The following GRM8 variants were observed in gnomAD, a reference collection of about 807,000 sequenced individuals.
GRM8 encodes the protein metabotropic glutamate receptor 8.
In GRM8, 47 loss-of-function variants were observed where a neutral mutation model predicts 87.2. The observed-to-expected ratio is 0.54, with a 90% CI of 0.43 to 0.69. GRM8 has a LOEUF of 0.69. Among genes scored for constraint, GRM8 ranks in the 30% least tolerant of loss-of-function variants. The probability of loss-of-function intolerance (pLI) is 0.00; values close to 1 mark genes in which losing one functional copy is unlikely to be tolerated. For synonymous variants in GRM8, 396 were observed against 404.5 expected (o/e 0.98, Z 0.25); for missense variants, 1,019 against 1,139.2 (o/e 0.89, Z 1.52).
At chr7:127,106,948 G>A (rs1240979489) in intron 2 of GRM8, among the ~76,000 whole-genome samples, 1 of 152,140 alleles carries the variant, frequency 6.6e-6, no homozygotes, top group African/African-American at 2.4e-5. Context: ...TTTTGCTTTA[G>A]TTTCCATTGT....
intron 3 of GRM8, among the ~76,000 whole-genome samples, chr7:126,950,731 A>G (rs1046658559): frequency 2.0e-5 from 3 of 152,098 alleles, no homozygotes; most frequent in Non-Finnish European, 4.4e-5. Context: ...AGGTATTCTT[A>G]TCATTCCTAT....
intron 2 of GRM8, among the ~76,000 whole-genome samples, chr7:127,221,501 T>G (rs1280087753): frequency 1.3e-5 from 2 of 152,092 alleles, no homozygotes; most frequent in African/African-American, 4.8e-5. Flanking sequence ...TCAAGACTGG[T>G]TGATGCAAAG....
intron 6 of GRM8, among the ~76,000 whole-genome samples, chr7:126,777,209 A>G (rs1483035918): frequency 6.6e-6 from 1 of 152,182 alleles, no homozygotes; most frequent in Non-Finnish European, 1.5e-5. Flanking sequence ...AAATGAATCA[A>G]TTATGGAAAA....
intron 3 of GRM8, among the ~76,000 whole-genome samples, chr7:126,948,575 C>G (rs572256510): frequency 6.6e-6 from 1 of 151,920 alleles, no homozygotes; most frequent in Non-Finnish European, 1.5e-5. Flanking sequence ...GCTATCCTTG[C>G]TTTCAACAGA....
intron 7 of GRM8, among the ~76,000 whole-genome samples, chr7:126,695,145 A>T (rs1359543055): frequency 6.6e-6 from 1 of 152,184 alleles, no homozygotes; most frequent in African/African-American, 2.4e-5. Context: ...TTCGAGAAAA[A>T]CTATTTCTAG....
chr7:126,480,560 A>G (rs1409313342), intron 9 of GRM8, among the ~76,000 whole-genome samples: 1 of 152,078 alleles, frequency 6.6e-6, no homozygotes, highest in East Asian at 1.9e-4. Flanking sequence ...ACAAATAAAG[A>G]TATATATTGT....
chr7:126,894,681 A>G (rs1157384949), intron 6 of GRM8, among the ~76,000 whole-genome samples: 2 of 152,078 alleles, frequency 1.3e-5, no homozygotes, highest in African/African-American at 2.4e-5. Context: ...AAGAAAAAAA[A>G]CATACTGGCC....
chr7:127,103,555 T>C (rs577380597), intron 3 of GRM8, among the ~76,000 whole-genome samples: 28 of 152,296 alleles, frequency 1.8e-4, no homozygotes, highest in Admixed American at 3.9e-4. Flanking sequence ...AATTACTCAC[T>C]TTCAGGGATT....
chr7:127,013,727 G>C lies in GRM8; in HGVS notation c.727+92769C>G, dbSNP rs55795036. ...AATAATTTAATGAGTTCTTTTTCAG[G>C]AGCTGTTTTTGTTTTTGAGAGAATC... On this transcript the variant is annotated intron_variant, in intron 3 of 10. Transcript: ENST00000339582. 4.4e-3 allele frequency among the ~76,000 whole-genome samples: 668 copies of C among 152,124 alleles called. 1 individual carries two copies. The highest frequency in any genetic ancestry group is 0.013 in the South Asian group (63 of 4,814).
At chr7:127,135,144 C>T (rs2040502) in intron 2 of GRM8, among the ~76,000 whole-genome samples, 103,439 of 151,636 alleles carry the variant, frequency 0.68, 36,633 homozygotes, top group African/African-American at 0.83. Context: ...GTTTATGTTT[C>T]TATCATCCAT....
chr7:127,001,566 A>C (rs1274037344), intron 3 of GRM8, among the ~76,000 whole-genome samples: 1 of 151,708 alleles, frequency 6.6e-6, no homozygotes, highest in Non-Finnish European at 1.5e-5. Flanking sequence ...AGAATGGCTA[A>C]AAATTAAAAG....
intron 3 of GRM8, among the ~76,000 whole-genome samples, chr7:126,950,266 T>C (rs1487794714): frequency 6.6e-6 from 1 of 152,176 alleles, no homozygotes; most frequent in Non-Finnish European, 1.5e-5. Flanking sequence ...TAGAGCTTTC[T>C]GGTAAGAAGA....
intron 6 of GRM8, among the ~76,000 whole-genome samples, chr7:126,808,874 A>T (rs1793029364): frequency 6.6e-6 from 1 of 152,170 alleles, no homozygotes; most frequent in Non-Finnish European, 1.5e-5. Context: ...ACCACAGATA[A>T]AGCTCCTGAT....
intron 6 of GRM8, among the ~76,000 whole-genome samples, chr7:126,887,677 C>A (rs1382952973): frequency 1.3e-5 from 2 of 152,072 alleles, no homozygotes; most frequent in African/African-American, 2.4e-5. Context: ...ATTGAAAGAA[C>A]AAATTGTTTG....
chr7:126,982,486 T>C (rs777453517), intron 3 of GRM8, among the ~76,000 whole-genome samples: 2 of 152,170 alleles, frequency 1.3e-5, no homozygotes, highest in Non-Finnish European at 2.9e-5. Flanking sequence ...GAGGTCATAA[T>C]TACACCTAAT....
At chr7:127,081,887 C>G (rs1461390771) in intron 3 of GRM8, among the ~76,000 whole-genome samples, 2 of 152,180 alleles carry the variant, frequency 1.3e-5, no homozygotes, top group African/African-American at 4.8e-5. Flanking sequence ...GAGACAATTT[C>G]TGAAGGTATC....
At position 126,992,823 on chromosome 7, in the gene GRM8, GTGTGTA is replaced by G. The variant is rs1237875684; in HGVS notation, c.728-88146_728-88141del. The stretch of plus-strand genomic sequence containing the variant: ...TCTCTCTCCGTGTGTGTGTGTGTGT[GTGTGTA>G]TGTGTGTGTGTGTGTGTGTGTGTGT... On this transcript the variant is annotated intron_variant, in intron 3 of 10. Coordinates refer to ENST00000339582, the MANE Select transcript of GRM8 (RefSeq NM_000845.3). 2.0e-3 allele frequency among the ~76,000 whole-genome samples: 299 copies of G among 150,946 alleles called. 2 individuals are homozygous for G. The highest frequency in any genetic ancestry group is 7.1e-3 in the African/African-American group (288 of 40,746).
intron 7 of GRM8, among the ~76,000 whole-genome samples, chr7:126,714,293 T>TAATAAC (rs1035177597): frequency 4.1e-5 from 6 of 146,090 alleles, no homozygotes; most frequent in African/African-American, 1.5e-4. Context: ...ATAATAATAA[T>TAATAAC]AATAATAATA....
chr7:127,243,229 C>T lies in GRM8; in HGVS notation c.-25G>A. 3 of 1,582,346 alleles carry T rather than the reference C, an allele frequency of 1.9e-6. No individual in the cohort carries two copies. Among genetic ancestry groups the T allele is most frequent in the Non-Finnish European group, 2.6e-6 (3 of 1,170,084 alleles). On this transcript the variant is annotated 5_prime_UTR_variant, in exon 2 of 11. Coordinates refer to ENST00000339582, the MANE Select transcript of GRM8 (RefSeq NM_000845.3). Reference sequence around the variant, plus strand: ...TTTTCTCCACAGGTGGTATTGCAATCCAAGACCCAAAGTTTATTCTTGCCA... The same window carrying T: ...TTTTCTCCACAGGTGGTATTGCAATTCAAGACCCAAAGTTTATTCTTGCCA...
Sources: gnomAD v4.1 joint callset for allele counts (sites outside exome capture counted in the v4.1 genomes callset) on GRCh38, gnomAD v4.1.1 for gene constraint, MANE v1.5 for transcripts, NCBI Gene and HGNC (gene_info 2026-07-23, HGNC 2026-07-21) for gene names.